Variants in TALDO1 observed in about 807,000 individuals in gnomAD.
The protein encoded by TALDO1 is transaldolase 1.
In TALDO1, 29 loss-of-function variants were observed where a neutral mutation model predicts 38.1. That is an observed-to-expected ratio of 0.76 (90% confidence interval 0.57 to 1.04). The LOEUF is 1.04. TALDO1 is among the 50% of genes least tolerant of loss of function. The pLI is 0.00. For missense variants in TALDO1, 499 were observed against 438.1 expected, an observed-to-expected ratio of 1.14 and a Z score of -1.24; for synonymous variants, 207 against 176.8, an observed-to-expected ratio of 1.17 and a Z score of -1.36.
chr11:762,299 T>G (rs932781447), intron 4 of TALDO1, among the ~76,000 whole-genome samples: 12 of 152,168 alleles, frequency 7.9e-5, no homozygotes, highest in Admixed American at 7.9e-4. Context: ...AAATACTCCA[T>G]TTTATGGATA....
chr11:760,488 C>T, intron 4 of TALDO1: 1 of 564,486 alleles, frequency 1.8e-6, no homozygotes, highest in Non-Finnish European at 3.1e-6. Flanking sequence ...GAAGTACCAT[C>T]CACCCACTCA....
In TALDO1 at chr11:758,946, T is replaced by C. The variant is rs1455548479; in HGVS notation, c.222-4T>C. 1.2e-6 allele frequency: 2 copies of C among 1,609,160 alleles called. No individual in the cohort carries two copies. The highest frequency in any genetic ancestry group is 1.7e-5 in the Admixed American group (1 of 59,858). ...AACCTGCTTTTTTTCCCTTTGAATTTCAGGTCACAAGAGGACCAGATTAAA... is the reference window on the plus strand; with the variant it reads ...AACCTGCTTTTTTTCCCTTTGAATTCCAGGTCACAAGAGGACCAGATTAAA... On this transcript the variant is annotated splice_polypyrimidine_tract_variant and splice_region_variant and intron_variant, in intron 2 of 7. Transcript: ENST00000319006.
At chr11:749,998 C>T (rs1862723593) in intron 1 of TALDO1, among the ~76,000 whole-genome samples, 1 of 152,190 alleles carries the variant, frequency 6.6e-6, no homozygotes, top group Non-Finnish European at 1.5e-5. Flanking sequence ...GTGACCATGG[C>T]ATGGCATCCA....
Position 747,588 on chromosome 11 carries a change from G to C in TALDO1, c.97+10G>C. ...ACGGGCGACTTCCACGGTGAGGACG[G>C]CGCGGAGCCCGGGCGCGGCGCAAGC... is the stretch of plus-strand genomic sequence containing the variant. On this transcript the variant is annotated intron_variant, in intron 1 of 7. Coordinates refer to ENST00000319006, the MANE Select transcript of TALDO1 (RefSeq NM_006755.2). The C allele has an allele frequency of 6.4e-7, 1 of 1,562,370 alleles. No homozygotes were observed. Among genetic ancestry groups the C allele is most frequent in the Non-Finnish European group, 8.6e-7 (1 of 1,157,048 alleles).
chr11:760,068 G>A, intron 3 of TALDO1, 54 bp from the exon 4 acceptor site: 1 of 1,610,880 alleles, frequency 6.2e-7, no homozygotes, highest in Non-Finnish European at 8.5e-7. Flanking sequence ...AGCTTGCTCT[G>A]CGTGGTGGGC....
At chr11:759,756 AT>A (rs1564992748) in intron 3 of TALDO1, among the ~76,000 whole-genome samples, 1 of 151,688 alleles carries the variant, frequency 6.6e-6, no homozygotes, top group Non-Finnish European at 1.5e-5. Context: ...ATTTTTTTGT[AT>A]TTTTAGTAGC....
At chr11:761,481 CAG>C (rs1444234665) in intron 4 of TALDO1, among the ~76,000 whole-genome samples, 17 of 152,184 alleles carry the variant, frequency 1.1e-4, no homozygotes, top group African/African-American at 4.1e-4. Context: ...GCCTGGGTGA[CAG>C]AGTGAGACCC....
intron 4 of TALDO1, among the ~76,000 whole-genome samples, chr11:761,637 G>A (rs1862926054): frequency 6.6e-6 from 1 of 152,238 alleles, no homozygotes; most frequent in African/African-American, 2.4e-5. Flanking sequence ...AGGAAGAGGT[G>A]TTTTGTTTCC....
In TALDO1 at chr11:764,438, GTGT is replaced by G; in HGVS notation, c.981+9_981+11del. On this transcript the variant is annotated splice_donor_region_variant and intron_variant, in intron 7 of 7. Transcript: ENST00000319006. ...AAGCTGGAGCGGATGCTGACAGTGA[GTGT>G]TGTGTGTGGGTACCTACATATGCCA... is the stretch of plus-strand genomic sequence containing the variant. 1 of 1,609,582 alleles carries G rather than the reference GTGT, an allele frequency of 6.2e-7. No individual in the cohort carries two copies. Among genetic ancestry groups the G allele is most frequent in the Non-Finnish European group, 8.5e-7 (1 of 1,177,040 alleles).
chr11:764,139 T>C, intron 6 of TALDO1, 149 bp from the exon 7 acceptor site: 1 of 1,475,424 alleles, frequency 6.8e-7, no homozygotes, highest in African/African-American at 1.4e-5. Context: ...CTCTGTGGGC[T>C]GAACCCCACT....
chr11:761,701 T>C (rs886733849), intron 4 of TALDO1, among the ~76,000 whole-genome samples: 5 of 152,204 alleles, frequency 3.3e-5, no homozygotes, highest in African/African-American at 1.2e-4. Flanking sequence ...TGCTCTGAGA[T>C]AGCATCTCAC....
At chr11:752,429 G>A (rs1329933858) in intron 1 of TALDO1, 1 of 152,178 alleles carries the variant, frequency 6.6e-6, no homozygotes, top group Non-Finnish European at 1.5e-5. Flanking sequence ...TTTCAAAAGG[G>A]GTCCCATCAC....
rs367566662 is a variant in TALDO1 at position 763,485 on chromosome 11, C to T, written c.603C>T (p.Thr201=). ...GRILDWHVAN[T]DKKSYEPLED... is the part of the protein sequence containing the mutation. The stretch of plus-strand genomic sequence containing the variant: ...TCCTTGATTGGCATGTGGCAAACAC[C>T]GACAAGAAATCCTATGAGCCCCTGG... Residue 201 remains threonine (T), a synonymous_variant, in exon 5 of 8, where the codon ACC becomes ACT. Coordinates refer to ENST00000319006, the MANE Select transcript of TALDO1 (RefSeq NM_006755.2). 9.9e-6 allele frequency: 16 copies of T among 1,613,586 alleles called. No homozygotes were observed. Among genetic ancestry groups the T allele is most frequent in the Admixed American group, 3.3e-5 (2 of 59,960 alleles).
At position 763,550 on chromosome 11, in the gene TALDO1, G is replaced by A. The variant is rs201972237; in HGVS notation, c.637+31G>A. 4.3e-3 allele frequency: 6,982 copies of A among 1,613,092 alleles called. 21 individuals are homozygous for A. Among genetic ancestry groups the A allele is most frequent in the Admixed American group, 5.2e-3 (310 of 59,960 alleles). ...GGTCCCTCTGTGGTAATGGGGTAAGGGGAGCAGCCTCAGCAGCACCTCAGG... is the reference window on the plus strand; with the variant it reads ...GGTCCCTCTGTGGTAATGGGGTAAGAGGAGCAGCCTCAGCAGCACCTCAGG... On this transcript the variant is annotated intron_variant, in intron 5 of 7. Transcript: ENST00000319006.
chr11:753,380 A>C (rs1862780740), intron 1 of TALDO1, among the ~76,000 whole-genome samples: 1 of 151,792 alleles, frequency 6.6e-6, no homozygotes, highest in African/African-American at 2.4e-5. Context: ...AAATACAAAA[A>C]ACTAGCCGGC....
intron 1 of TALDO1, among the ~76,000 whole-genome samples, chr11:754,719 G>A (rs886502456): frequency 6.6e-6 from 1 of 152,090 alleles, no homozygotes; most frequent in African/African-American, 2.4e-5. Flanking sequence ...CGATCCACCA[G>A]CCTCAGCCTC....
chr11:764,650 C>A (rs1175553055), intron 7 of TALDO1, among the ~76,000 whole-genome samples, 163 bp from the exon 8 acceptor site: 1 of 152,202 alleles, frequency 6.6e-6, no homozygotes, highest in Non-Finnish European at 1.5e-5. Flanking sequence ...TGGCTCCTCT[C>A]TGGCCTGTGT....
chr11:763,579 G>A, intron 5 of TALDO1, 60 bp downstream of exon 5: 2 of 1,605,654 alleles, frequency 1.2e-6, no homozygotes, highest in Admixed American at 3.3e-5. Context: ...CCTCAGGCAG[G>A]AAGAGCCCGA....
intron 5 of TALDO1, 33 bp from the exon 6 acceptor site, chr11:763,714 A>G (rs1319483101): frequency 6.2e-7 from 1 of 1,612,406 alleles, no homozygotes; most frequent in East Asian, 2.2e-5. Context: ...CCTCTGCCGA[A>G]GCCTTCCTGG....
Sources: gnomAD v4.1 joint callset for allele counts (sites outside exome capture counted in the v4.1 genomes callset) on GRCh38, gnomAD v4.1.1 for gene constraint, MANE v1.5 for transcripts, NCBI Gene and HGNC (gene_info 2026-07-23, HGNC 2026-07-21) for gene names.